The following UBR1 variants were observed in gnomAD, a reference collection of about 807,000 sequenced individuals.
UBR1 encodes the protein ubiquitin protein ligase E3 component n-recognin 1, also known as E3 ubiquitin-protein ligase UBR1.
A neutral mutation model predicts 242.1 loss-of-function variants in UBR1; 102 were observed. The ratio of observed to expected loss-of-function variants is 0.42; its 90% CI spans 0.36 to 0.50. The LOEUF (loss-of-function observed/expected upper bound fraction) is 0.50. UBR1 is among the 20% of genes least tolerant of loss of function. The probability of loss-of-function intolerance (pLI) is 0.01; values close to 1 mark genes in which losing one functional copy is unlikely to be tolerated. For synonymous variants in UBR1, 675 were observed against 684.8 expected (o/e 0.99, Z 0.22); for missense variants, 1,772 against 2,101.8 (o/e 0.84, Z 3.07).
intron 20 of UBR1, among the ~76,000 whole-genome samples, chr15:43,031,489 T>C (rs1205165645): frequency 6.6e-6 from 1 of 152,220 alleles, no homozygotes; most frequent in Non-Finnish European, 1.5e-5. Flanking sequence ...TTCCCATCTG[T>C]TTCTAACTGG....
chr15:43,089,126 C>A (rs1477258428), intron 1 of UBR1, among the ~76,000 whole-genome samples: 1 of 151,218 alleles, frequency 6.6e-6, no homozygotes, highest in Non-Finnish European at 1.5e-5. Flanking sequence ...CATGCCACTG[C>A]ACTCCAGCCT....
intron 39 of UBR1, among the ~76,000 whole-genome samples, chr15:42,971,563 G>A (rs1263245052): frequency 1.3e-5 from 2 of 152,174 alleles, no homozygotes; most frequent in Non-Finnish European, 1.5e-5. Flanking sequence ...AATTCATCTG[G>A]AAGGTCAAGA....
intron 29 of UBR1, among the ~76,000 whole-genome samples, chr15:43,008,200 T>C (rs925881514): frequency 1.3e-5 from 2 of 152,362 alleles, no homozygotes; most frequent in African/African-American, 4.8e-5. Flanking sequence ...CATGTAGCCC[T>C]TGGGTTGGGA....
chr15:43,026,510 G>A, intron 23 of UBR1, 51 bp downstream of exon 23: 1 of 1,524,334 alleles, frequency 6.6e-7, no homozygotes, highest in Non-Finnish European at 9.1e-7. Context: ...TGTGGAGTTA[G>A]AAAGCATAAA....
chr15:43,076,330 C>T (rs867345556), intron 3 of UBR1, among the ~76,000 whole-genome samples: 1 of 152,226 alleles, frequency 6.6e-6, no homozygotes, highest in South Asian at 2.1e-4. Context: ...CAGCTCGCTA[C>T]AACCTCCACC....
At chr15:42,968,261 A>G (rs1342956475) in intron 40 of UBR1, among the ~76,000 whole-genome samples, 1 of 152,214 alleles carries the variant, frequency 6.6e-6, no homozygotes, top group African/African-American at 2.4e-5. Context: ...AGTCTCAGAA[A>G]CAAGTGGGTA....
intron 19 of UBR1, among the ~76,000 whole-genome samples, chr15:43,033,372 G>A (rs185509994): frequency 2.6e-5 from 4 of 151,792 alleles, no homozygotes; most frequent in South Asian, 2.1e-4. Context: ...TTAGCCAGGC[G>A]TGGTGGTGCG....
At chr15:42,980,392 C>T (rs1596083928) in intron 37 of UBR1, among the ~76,000 whole-genome samples, 2 of 152,110 alleles carry the variant, frequency 1.3e-5, no homozygotes, top group African/African-American at 4.8e-5. Flanking sequence ...TATGGTCAGG[C>T]CTGGGTTTAA....
chr15:43,010,537 GGAAA>G (rs2032907811), intron 29 of UBR1, among the ~76,000 whole-genome samples: 1 of 152,054 alleles, frequency 6.6e-6, no homozygotes, highest in African/African-American at 2.4e-5. Flanking sequence ...TAATAACATA[GGAAA>G]AATTCTGGCA....
At chr15:43,093,066 G>C (rs918198966) in intron 1 of UBR1, among the ~76,000 whole-genome samples, 1 of 151,986 alleles carries the variant, frequency 6.6e-6, no homozygotes, top group Non-Finnish European at 1.5e-5. Flanking sequence ...TTGAAATTAA[G>C]GGAAAGCTTT....
rs538618153 is a variant in UBR1 at position 43,031,840 on chromosome 15, G to A, written c.2254+728C>T. 4.5e-4 allele frequency among the ~76,000 whole-genome samples: 68 copies of A among 152,272 alleles called. 1 individual carries two copies. The highest frequency in any genetic ancestry group is 1.5e-3 in the African/African-American group (61 of 41,560). On this transcript the variant is annotated intron_variant, in intron 20 of 46. Transcript: ENST00000290650. ...GTTCAAGACCAGCCTGGCCAATATGGTGAAACCCCGTCTCTATTAAAAAAT... is the reference window on the plus strand; with the variant it reads ...GTTCAAGACCAGCCTGGCCAATATGATGAAACCCCGTCTCTATTAAAAAAT...
At chr15:43,089,556 C>T (rs1037177732) in intron 1 of UBR1, among the ~76,000 whole-genome samples, 1 of 152,018 alleles carries the variant, frequency 6.6e-6, no homozygotes, top group Non-Finnish European at 1.5e-5. Context: ...CAAAGTATCT[C>T]CAATGGGAAA....
At position 43,038,173 on chromosome 15, in the gene UBR1, A is replaced by C. The variant is rs768249377; in HGVS notation, c.1909T>G (p.Phe637Val). The C allele has an allele frequency of 5.0e-6, 8 of 1,614,078 alleles. No individual in the cohort carries two copies. The East Asian group carries it at 1.8e-4, about 36-fold the overall frequency. ...AVSRLHEFVSFEDFQVEVLVE... is the reference protein window; with the variant it reads ...AVSRLHEFVSVEDFQVEVLVE... ...CAATACTTAGTAGAATCACTTACAA[A>C]AGACACAAATTCATGCAGTCTTGAA... Residue 637 changes from phenylalanine to valine, a missense_variant and splice_region_variant, in exon 16 of 47, where the codon TTT (phenylalanine) becomes GTT (valine). Physicochemically the swap from Phe to Val is conservative, Grantham distance 50. Coordinates refer to ENST00000290650, the MANE Select transcript of UBR1 (RefSeq NM_174916.3).
chr15:43,094,261 C>A (rs1174862596), intron 1 of UBR1, among the ~76,000 whole-genome samples: 1 of 152,080 alleles, frequency 6.6e-6, no homozygotes, highest in Non-Finnish European at 1.5e-5. Flanking sequence ...GAAACCTCAT[C>A]TCTACTAAAA....
At chr15:43,103,642 C>A (rs146797046) in intron 1 of UBR1, among the ~76,000 whole-genome samples, 34 of 152,294 alleles carry the variant, frequency 2.2e-4, no homozygotes, top group Middle Eastern at 3.4e-3. Flanking sequence ...AATACTACAG[C>A]CTTCACGCTT....
intron 35 of UBR1, among the ~76,000 whole-genome samples, chr15:42,985,382 C>T (rs759265920): frequency 9.2e-5 from 14 of 151,996 alleles, no homozygotes; most frequent in Non-Finnish European, 2.1e-4. Flanking sequence ...GACAGACTTT[C>T]GCTCTTGTTG....
At chr15:43,011,627 T>C (rs888714417) in intron 29 of UBR1, among the ~76,000 whole-genome samples, 2 of 152,158 alleles carry the variant, frequency 1.3e-5, no homozygotes, top group African/African-American at 4.8e-5. Flanking sequence ...GTACTGAAAA[T>C]AGTTAAGTAT....
At chr15:43,083,872 G>A (rs965671428) in intron 2 of UBR1, among the ~76,000 whole-genome samples, 20 of 151,582 alleles carry the variant, frequency 1.3e-4, no homozygotes, top group Non-Finnish European at 2.1e-4. Flanking sequence ...GAGAAACCCC[G>A]TCTCTACTAA....
chr15:42,961,551 C>T (rs2032020228), intron 42 of UBR1, among the ~76,000 whole-genome samples: 1 of 151,456 alleles, frequency 6.6e-6, no homozygotes, highest in Non-Finnish European at 1.5e-5. Context: ...AGCTCCCGAG[C>T]AGCTGGGATT....
Sources: gnomAD v4.1 joint callset for allele counts (sites outside exome capture counted in the v4.1 genomes callset) on GRCh38, gnomAD v4.1.1 for gene constraint, MANE v1.5 for transcripts, NCBI Gene and HGNC (gene_info 2026-07-23, HGNC 2026-07-21) for gene names.